ADCY2: variants seen among roughly 807,000 people sequenced by gnomAD.
ADCY2 encodes adenylate cyclase type 2.
ADCY2 carries 31 observed loss-of-function variants against 125.2 expected under a neutral mutation model. The observed-to-expected ratio is 0.25, with a 90% CI of 0.19 to 0.33. ADCY2 has a LOEUF of 0.33. Among genes scored for constraint, ADCY2 ranks in the 10% least tolerant of loss-of-function variants. The pLI, the probability that ADCY2 is intolerant of heterozygous loss-of-function variation, is 1.00. For missense variants in ADCY2, 904 were observed against 1,418.2 expected (o/e 0.64, Z 5.82); for synonymous variants, 512 against 548.4 (o/e 0.93, Z 0.93).
chr5:7,629,650 A>G lies in ADCY2; in HGVS notation c.720+3334A>G, dbSNP rs556589656. 1.9e-3 allele frequency among the ~76,000 whole-genome samples: 282 copies of G among 152,344 alleles called. 1 individual carries two copies. The highest frequency in any genetic ancestry group is 1.2e-3 in the Non-Finnish European group (83 of 68,030). On this transcript the variant is annotated intron_variant, in intron 4 of 24. Coordinates refer to ENST00000338316, the MANE Select transcript of ADCY2 (RefSeq NM_020546.3). ...TTGCATTGGAATTGAGGCCGCCTTT[A>G]GAAACAGAAGGTATTCACCTGTCTC...
At chr5:7,512,085 G>A (rs758196967) in intron 2 of ADCY2, among the ~76,000 whole-genome samples, 4 of 151,678 alleles carry the variant, frequency 2.6e-5, no homozygotes, top group Non-Finnish European at 4.4e-5. Flanking sequence ...GCCAGGCGTG[G>A]TGGTGCACAC....
In ADCY2 at chr5:7,718,506, G is replaced by A. The variant is rs145822381; in HGVS notation, c.1703+1269G>A. Among the ~76,000 whole-genome samples the A allele has an allele frequency of 3.3e-5, 5 of 152,176 alleles. 1 individual carries two copies. Among genetic ancestry groups the A allele is most frequent in the Middle Eastern group, 6.8e-3 (2 of 294 alleles). The stretch of plus-strand genomic sequence containing the variant: ...TATTTACAGGGCTTATGAAAGAATC[G>A]CATGAGTGTGATATGTGTGTCTATG... On this transcript the variant is annotated intron_variant, in intron 12 of 24. Coordinates refer to ENST00000338316, the MANE Select transcript of ADCY2 (RefSeq NM_020546.3).
rs902389884 is a variant in ADCY2 at position 7,827,104 on chromosome 5, A to G, written c.*233A>G. The G allele has an allele frequency of 2.2e-6, 1 of 463,976 alleles. No homozygotes were observed. The highest frequency in any genetic ancestry group is 3.8e-6 in the Non-Finnish European group (1 of 265,826). 28.7% of individuals were successfully genotyped at this position (463,976 alleles called of 1,614,324 possible). A position where few individuals can be genotyped will look rare whatever the true frequency, so the allele number is the denominator to read the frequency against. On this transcript the variant is annotated 3_prime_UTR_variant, in exon 25 of 25. Transcript: ENST00000338316. Reference sequence around the variant, plus strand: ...GCAAAAGGGAAAAGGAGCGCGCGTGATAGAAGAAAAGCACTGGGAGAACTA... The same window carrying G: ...GCAAAAGGGAAAAGGAGCGCGCGTGGTAGAAGAAAAGCACTGGGAGAACTA...
intron 3 of ADCY2, among the ~76,000 whole-genome samples, chr5:7,623,143 A>G (rs1180162451): frequency 2.6e-5 from 4 of 152,226 alleles, no homozygotes; most frequent in Admixed American, 2.6e-4. Flanking sequence ...CCAGGGACAG[A>G]TGATGGCTTC....
chr5:7,421,032 C>G (rs1740183272), intron 2 of ADCY2, among the ~76,000 whole-genome samples: 1 of 152,124 alleles, frequency 6.6e-6, no homozygotes, highest in Admixed American at 6.5e-5. Flanking sequence ...CTCTGTCCAG[C>G]TCAATTACAC....
chr5:7,778,417 C>G (rs1743811121), intron 18 of ADCY2, among the ~76,000 whole-genome samples: 1 of 152,200 alleles, frequency 6.6e-6, no homozygotes, highest in Non-Finnish European at 1.5e-5. Context: ...ACAAGGATCC[C>G]TAAAGACCAA....
intron 2 of ADCY2, among the ~76,000 whole-genome samples, chr5:7,416,415 C>G (rs967873340): frequency 6.6e-6 from 1 of 152,206 alleles, no homozygotes; most frequent in African/African-American, 2.4e-5. Context: ...CTCCCTCACA[C>G]TCCCCGCTCT....
At chr5:7,685,519 T>A (rs960925032) in intron 4 of ADCY2, among the ~76,000 whole-genome samples, 11 of 152,186 alleles carry the variant, frequency 7.2e-5, no homozygotes, top group Admixed American at 1.3e-4. Context: ...GATGACCAAT[T>A]TTTTTTGTAA....
intron 1 of ADCY2, among the ~76,000 whole-genome samples, chr5:7,400,364 T>G (rs1739218516): frequency 6.6e-6 from 1 of 152,220 alleles, no homozygotes; most frequent in South Asian, 2.1e-4. Context: ...GCTAGATATT[T>G]AAAACAATAA....
chr5:7,479,280 G>C (rs1742636450), intron 2 of ADCY2, among the ~76,000 whole-genome samples: 1 of 149,396 alleles, frequency 6.7e-6, no homozygotes, highest in Admixed American at 6.6e-5. Context: ...CACTGTACTG[G>C]CTCATTCTTT....
intron 22 of ADCY2, among the ~76,000 whole-genome samples, chr5:7,814,807 C>G (rs953934372): frequency 6.6e-6 from 1 of 152,166 alleles, no homozygotes; most frequent in Non-Finnish European, 1.5e-5. Flanking sequence ...TCTTTGTCCC[C>G]GGACCTTTCT....
Position 7,670,590 on chromosome 5 carries a change from A to G in ADCY2, c.721-20101A>G, listed in dbSNP as rs548113177. ...TGTGCACACATGCATGTTATAAAATAGCCATCTCCAACCTTTTTGACACCA... is the reference window on the plus strand; with the variant it reads ...TGTGCACACATGCATGTTATAAAATGGCCATCTCCAACCTTTTTGACACCA... On this transcript the variant is annotated intron_variant, in intron 4 of 24. Transcript: ENST00000338316. Among the ~76,000 whole-genome samples the G allele has an allele frequency of 2.6e-5, 4 of 152,376 alleles. No homozygotes were observed. The South Asian group carries it at 6.2e-4, about 24-fold the overall frequency.
intron 4 of ADCY2, among the ~76,000 whole-genome samples, chr5:7,644,624 G>A (rs1038874458): frequency 4.6e-5 from 7 of 152,028 alleles, no homozygotes; most frequent in African/African-American, 1.4e-4. Context: ...TTCAAACACC[G>A]TTTTTGCCCA....
chr5:7,613,367 G>A (rs149351696), intron 3 of ADCY2, among the ~76,000 whole-genome samples: 1 of 152,246 alleles, frequency 6.6e-6, no homozygotes, highest in East Asian at 1.9e-4. Flanking sequence ...GACACCTCAT[G>A]AAAGGAAGAT....
At position 7,748,643 on chromosome 5, in the gene ADCY2, A is replaced by G. The variant is rs549048296; in HGVS notation, c.1956+4891A>G. Among the ~76,000 whole-genome samples, 6 of 152,214 alleles carry G rather than the reference A, an allele frequency of 3.9e-5. No homozygotes were observed. The East Asian group carries it at 5.8e-4, about 15-fold the overall frequency. ...GAGTAGAATCAGGAATGCAATGACT[A>G]TGAGGTCTGCAAAGGCTTCCTATCC... On this transcript the variant is annotated intron_variant, in intron 15 of 24. Coordinates refer to ENST00000338316, the MANE Select transcript of ADCY2 (RefSeq NM_020546.3).
At chr5:7,699,677 C>T (rs1315750567) in intron 7 of ADCY2, among the ~76,000 whole-genome samples, 1 of 152,142 alleles carries the variant, frequency 6.6e-6, no homozygotes, top group Non-Finnish European at 1.5e-5. Context: ...GCCTCTACCT[C>T]CTGAGCCCAG....
intron 2 of ADCY2, among the ~76,000 whole-genome samples, chr5:7,459,964 T>A (rs1315544756): frequency 6.6e-6 from 1 of 151,396 alleles, no homozygotes; most frequent in African/African-American, 2.4e-5. Flanking sequence ...TTTTTTGTAT[T>A]TTTAGTAGGG....
In ADCY2 at chr5:7,802,028, G is replaced by T. The variant is rs1744612605; in HGVS notation, c.2629-190G>T. 1.7e-6 allele frequency: 1 copy of T among 580,938 alleles called. No individual in the cohort carries two copies. The highest frequency in any genetic ancestry group is 3.0e-6 in the Non-Finnish European group (1 of 336,942). The allele number at this position is 580,938 out of a possible 1,614,324, so 36.0% of individuals were successfully genotyped here. ...CTTAACTGGTAGTGGCCTGAATCCA[G>T]CTCATTAGAAGCTTTCCCCTGAGAG... is the stretch of plus-strand genomic sequence containing the variant. On this transcript the variant is annotated intron_variant, in intron 20 of 24. Coordinates refer to ENST00000338316, the MANE Select transcript of ADCY2 (RefSeq NM_020546.3). This position sits in a 1 kb window ranked among gnomAD's most constrained non-coding sequence, Gnocchi z 4.6.
At chr5:7,630,294 A>G (rs932082747) in intron 4 of ADCY2, among the ~76,000 whole-genome samples, 1 of 152,150 alleles carries the variant, frequency 6.6e-6, no homozygotes, top group African/African-American at 2.4e-5. Context: ...TTTAATCCTA[A>G]TGTGATAGCA....
Sources: allele counts gnomAD v4.1 joint callset (sites outside exome capture counted in the v4.1 genomes callset), GRCh38; gene constraint gnomAD v4.1.1; non-coding constraint Gnocchi (gnomAD v3.1); transcripts MANE v1.5; gene names NCBI Gene and HGNC (gene_info 2026-07-23, HGNC 2026-07-21).